GTF3C1: variants seen among roughly 807,000 people sequenced by gnomAD.
GTF3C1 encodes general transcription factor IIIC subunit 1.
In GTF3C1, 57 loss-of-function variants were observed where a neutral mutation model predicts 226.7. The ratio of observed to expected loss-of-function variants is 0.25; its 90% CI spans 0.20 to 0.31. The LOEUF (loss-of-function observed/expected upper bound fraction) is 0.31. Ranked by LOEUF, GTF3C1 falls within the 10% of genes least tolerant of loss-of-function variation. The pLI is 1.00. For synonymous variants in GTF3C1, 1,090 were observed against 1,084.8 expected, an observed-to-expected ratio of 1.00 and a Z score of -0.09; for missense variants, 2,217 against 2,776.1, an observed-to-expected ratio of 0.80 and a Z score of 4.53.
At chr16:27,512,699 G>A (rs1250128378) in intron 6 of GTF3C1, among the ~76,000 whole-genome samples, 1 of 152,164 alleles carries the variant, frequency 6.6e-6, no homozygotes, top group Non-Finnish European at 1.5e-5. Context: ...TGTGCCTACG[G>A]CTATAACGAG....
rs563237232 is a variant in GTF3C1, at chr16:27,538,137, A to G, written c.608+43T>C. ...CCCTGCATTTGGGATTCAGGGTGCA[A>G]TGACATATAATTTAAAGCAGAGAAG... On this transcript the variant is annotated intron_variant, in intron 3 of 36. Coordinates refer to ENST00000356183, the MANE Select transcript of GTF3C1 (RefSeq NM_001520.4). 2.2e-4 allele frequency: 301 copies of G among 1,393,734 alleles called. 2 individuals are homozygous for G. The South Asian group carries it at 3.9e-3, about 18-fold the overall frequency. The allele number at this position is 1,393,734 out of a possible 1,614,324, so 86.3% of individuals were successfully genotyped here. A position where few individuals can be genotyped will look rare whatever the true frequency, so the allele number is the denominator to read the frequency against.
intron 6 of GTF3C1, among the ~76,000 whole-genome samples, chr16:27,512,555 G>A (rs1160764708): frequency 6.6e-6 from 1 of 152,208 alleles, no homozygotes; most frequent in African/African-American, 2.4e-5. Context: ...AACCAGCAAT[G>A]GGGGTGGAGG....
chr16:27,524,696 G>A (rs1397168457), intron 6 of GTF3C1, among the ~76,000 whole-genome samples: 7 of 152,210 alleles, frequency 4.6e-5, no homozygotes, highest in African/African-American at 1.7e-4. Context: ...AGCAAAAAAG[G>A]TTCTTTAAGG....
At chr16:27,483,021 C>T in intron 26 of GTF3C1, 23 bp downstream of exon 26, 1 of 1,604,638 alleles carries the variant, frequency 6.2e-7, no homozygotes. Context: ...GCATACCAAG[C>T]CCTACACTCA....
chr16:27,489,322 G>T, intron 20 of GTF3C1, 144 bp from the exon 21 acceptor site: 1 of 878,250 alleles, frequency 1.1e-6, no homozygotes. Flanking sequence ...TGAAGAACTT[G>T]GGGGCCCTAA....
chr16:27,506,852 G>A lies in GTF3C1; in HGVS notation c.1547C>T (p.Thr516Ile). Residue 516 changes from threonine to isoleucine, a missense_variant, in exon 9 of 37, where the codon ACC becomes ATC. By Grantham distance (89) the Thr-to-Ile change is moderately conservative (BLOSUM62 -1). Around this residue, in one of 12 missense-constraint regions of GTF3C1, gnomAD observed 173 missense variants for 207.2 expected, o/e 0.83. Coordinates refer to ENST00000356183, the MANE Select transcript of GTF3C1 (RefSeq NM_001520.4). ...PKTQPHHSTP[T>I]KGGWKVVNLH... ...CCACCCCACGTGCTCCCTACCCTTG[G>A]TTGGGGTGGAGTGATGAGGCTGGGT... is the stretch of plus-strand genomic sequence containing the variant. The A allele has an allele frequency of 1.9e-6, 3 of 1,605,302 alleles. No homozygotes were observed. The highest frequency in any genetic ancestry group is 4.5e-5 in the East Asian group (2 of 44,736).
chr16:27,512,813 C>T (rs998023048), intron 6 of GTF3C1, among the ~76,000 whole-genome samples: 3 of 152,190 alleles, frequency 2.0e-5, no homozygotes, highest in Admixed American at 1.3e-4. Flanking sequence ...CAACAACCCT[C>T]GGATGAAGAT....
rs765039525 is a variant in GTF3C1 at position 27,465,261 on chromosome 16, T to C, written c.5354A>G (p.Gln1785Arg). 4.3e-6 allele frequency: 7 copies of C among 1,614,016 alleles called. No individual in the cohort carries two copies. The highest frequency in any genetic ancestry group is 5.9e-6 in the Non-Finnish European group (7 of 1,179,900). The change falls in exon 33 of 37, where the codon CAG becomes CGG. Residue 1785 changes from glutamine to arginine, a missense_variant and splice_region_variant. Physicochemically the swap from Gln to Arg is conservative, Grantham distance 43. Around this residue, in one of 12 missense-constraint regions of GTF3C1, gnomAD observed 455 missense variants for 441.9 expected, o/e 1.03. Coordinates refer to ENST00000356183, the MANE Select transcript of GTF3C1 (RefSeq NM_001520.4). ...GRTRTFADCI[Q>R]ALLEQHQVLE... ...CGGCTAACCTAAAGCACAGCTCACCTGGATGCAATCTGCGAATGTCCTGGT... is the reference window on the plus strand; with the variant it reads ...CGGCTAACCTAAAGCACAGCTCACCCGGATGCAATCTGCGAATGTCCTGGT...
At chr16:27,503,595 A>G (rs1184332478) in intron 10 of GTF3C1, among the ~76,000 whole-genome samples, 1 of 152,138 alleles carries the variant, frequency 6.6e-6, no homozygotes, top group African/African-American at 2.4e-5. Context: ...CCTCGAGGAA[A>G]ATTAGGATGA....
At position 27,462,355 on chromosome 16, in the gene GTF3C1, C is replaced by G. The variant is rs763633524; in HGVS notation, c.6056G>C (p.Ser2019Thr). 1.9e-6 allele frequency: 3 copies of G among 1,583,884 alleles called. No individual in the cohort carries two copies. The highest frequency in any genetic ancestry group is 2.6e-6 in the Non-Finnish European group (3 of 1,165,304). The change falls in exon 36 of 37, where the codon AGC becomes ACC. Residue 2019 changes from serine (S) to threonine (T), a missense_variant. Around this residue, in one of 12 missense-constraint regions of GTF3C1, gnomAD observed 153 missense variants for 199.8 expected, o/e 0.77. Coordinates refer to ENST00000356183, the MANE Select transcript of GTF3C1 (RefSeq NM_001520.4). The surrounding 1 kb of genome is among the most constrained non-coding windows in gnomAD (Gnocchi z 4.5). ...HIMTRPGIPE[S>T]SLLRHYQGVL... Reference sequence around the variant, plus strand: ...CCCCTGGTAGTGGCGCAGCAGGGAGCTCTCGGGGATGCCAGGCCTGGTCAT... The same window carrying G: ...CCCCTGGTAGTGGCGCAGCAGGGAGGTCTCGGGGATGCCAGGCCTGGTCAT...
chr16:27,498,414 A>G (rs2088353290), intron 13 of GTF3C1, among the ~76,000 whole-genome samples: 1 of 152,240 alleles, frequency 6.6e-6, no homozygotes, highest in South Asian at 2.1e-4. Flanking sequence ...TCCACACTCT[A>G]TCAGACAGAA....
intron 2 of GTF3C1, among the ~76,000 whole-genome samples, chr16:27,543,310 TGA>T (rs1236497967): frequency 6.6e-6 from 1 of 152,152 alleles, no homozygotes; most frequent in Admixed American, 6.5e-5. Flanking sequence ...CGCTTGAACC[TGA>T]GAGGCGGAGG....
chr16:27,485,986 C>T lies in GTF3C1; in HGVS notation c.3858+11G>A. On this transcript the variant is annotated intron_variant, in intron 24 of 36. Transcript: ENST00000356183. ...GGGGCAGGCCCACCGCTGGGCTGGGCTGGTTGGTACCTTGGTGTTGAGGAC... is the reference window on the plus strand; with the variant it reads ...GGGGCAGGCCCACCGCTGGGCTGGGTTGGTTGGTACCTTGGTGTTGAGGAC... 6.3e-7 allele frequency: 1 copy of T among 1,582,834 alleles called. No homozygotes were observed. The highest frequency in any genetic ancestry group is 8.6e-7 in the Non-Finnish European group (1 of 1,159,962).
At chr16:27,543,386 A>G (rs2089117635) in intron 2 of GTF3C1, among the ~76,000 whole-genome samples, 1 of 152,104 alleles carries the variant, frequency 6.6e-6, no homozygotes, top group Admixed American at 6.6e-5. Context: ...ACTCTGTCTC[A>G]AAAATAAATA....
chr16:27,493,706 A>C (rs1037928480), intron 16 of GTF3C1, among the ~76,000 whole-genome samples: 1 of 152,238 alleles, frequency 6.6e-6, no homozygotes, highest in South Asian at 2.1e-4. Flanking sequence ...TGTCTACCCA[A>C]AAGGTATTCA....
In GTF3C1 at chr16:27,481,002, G is replaced by T; in HGVS notation, c.4196+77C>A. On this transcript the variant is annotated intron_variant, in intron 27 of 36. Transcript: ENST00000356183. ...CAGGTGCTGTGCGCTTCCCGGACCT[G>T]CTGATAAGGGAGACAGGGCTGGCCT... 10 of 1,216,064 alleles carry T rather than the reference G, an allele frequency of 8.2e-6. No individual in the cohort carries two copies. The South Asian group carries it at 1.2e-4, about 15-fold the overall frequency. The allele number at this position is 1,216,064 out of a possible 1,614,324, so 75.3% of individuals were successfully genotyped here.
At chr16:27,495,119 T>C (rs981503789) in intron 15 of GTF3C1, 92 bp downstream of exon 15, 20 of 1,012,262 alleles carry the variant, frequency 2.0e-5, no homozygotes, top group Admixed American at 6.2e-5. Context: ...CTGCAGCCAG[T>C]TTATATAAGG....
Position 27,549,701 on chromosome 16 carries a change from G to A in GTF3C1, c.190C>T (p.Arg64Trp). The change falls in exon 1 of 37, where the codon CGG becomes TGG. Residue 64 changes from arginine to tryptophan, a missense_variant. Arg to Trp is a moderately radical substitution (Grantham distance 101). Transcript: ENST00000356183. ...TGGAGCTGTAGGTCGGGTCGCTCCC[G>A]AGGCTCCTCATAGAAGCTGATGCCC... The part of the protein sequence containing the change: ...HPGISFYEEP[R>W]ERPDLQLQDR... 1 of 1,362,578 alleles carries A rather than the reference G, an allele frequency of 7.3e-7. No homozygotes were observed. The highest frequency in any genetic ancestry group is 9.8e-7 in the Non-Finnish European group (1 of 1,024,786). The allele number at this position is 1,362,578 out of a possible 1,614,324, so 84.4% of individuals were successfully genotyped here. A position where few individuals can be genotyped will look rare whatever the true frequency, so the allele number is the denominator to read the frequency against.
At chr16:27,472,866 A>G (rs1282932736) in intron 29 of GTF3C1, among the ~76,000 whole-genome samples, 1 of 152,170 alleles carries the variant, frequency 6.6e-6, no homozygotes, top group African/African-American at 2.4e-5. Flanking sequence ...CAGCCACCTG[A>G]AACAATCTCA....
Sources: gnomAD v4.1 joint callset for allele counts (sites outside exome capture counted in the v4.1 genomes callset) on GRCh38, gnomAD v4.1.1 for gene constraint, gnomAD v4.1.1 regional missense constraint, Gnocchi (gnomAD v3.1) non-coding constraint, MANE v1.5 for transcripts, NCBI Gene and HGNC (gene_info 2026-07-23, HGNC 2026-07-21) for gene names.